The following EPC1 variants were observed in gnomAD, a reference collection of about 807,000 sequenced individuals.
EPC1 encodes the protein enhancer of polycomb homolog 1.
Under a neutral mutation model 98.4 loss-of-function variants are expected in EPC1, and 12 were observed. The ratio of observed to expected loss-of-function variants is 0.12; its 90% confidence interval spans 0.08 to 0.20. The LOEUF (loss-of-function observed/expected upper bound fraction) is 0.20, where lower values mean the gene tolerates loss of function less well. Among genes scored for constraint, EPC1 ranks in the 10% least tolerant of loss-of-function variants. EPC1 has a pLI of 1.00. For missense variants in EPC1, 729 were observed against 990.5 expected, an observed-to-expected ratio of 0.74 and a Z score of 3.54; for synonymous variants, 357 against 363.9, an observed-to-expected ratio of 0.98 and a Z score of 0.21.
rs192971513 is a variant in EPC1, at chr10:32,327,032, C to T, written c.153+19731G>A. Among the ~76,000 whole-genome samples, 751 of 140,054 alleles carry T rather than the reference C, an allele frequency of 5.4e-3. 6 individuals carry two copies. Among genetic ancestry groups the T allele is most frequent in the Non-Finnish European group, 8.9e-3 (585 of 65,492 alleles). 91.9% of individuals were successfully genotyped at this position (140,054 alleles called of 152,430 possible). ...AAAAAAAAAAAATCAATGTAAATTA[C>T]CATCAATAGATGAATGAAGAAAATG... is the stretch of plus-strand genomic sequence containing the variant. On this transcript the variant is annotated intron_variant, in intron 1 of 13. Transcript: ENST00000319778.
intron 1 of EPC1, among the ~76,000 whole-genome samples, chr10:32,340,354 G>C (rs568704555): frequency 2.0e-5 from 3 of 152,118 alleles, no homozygotes; most frequent in Admixed American, 2.0e-4. Context: ...ATTACAGCAG[G>C]GTTGGTAGAT....
At chr10:32,306,234 C>T (rs1268334455) in intron 1 of EPC1, among the ~76,000 whole-genome samples, 2 of 152,002 alleles carry the variant, frequency 1.3e-5, no homozygotes, top group South Asian at 2.1e-4. Flanking sequence ...ACGGATGAGA[C>T]GTGGAGAAGG....
At chr10:32,372,570 A>T (rs1002534569) in intron 1 of EPC1, among the ~76,000 whole-genome samples, 3 of 152,256 alleles carry the variant, frequency 2.0e-5, no homozygotes, top group Non-Finnish European at 4.4e-5. Flanking sequence ...GTAAAGTACA[A>T]GTACAAATGT....
At chr10:32,369,726 A>G (rs1260783336) in intron 1 of EPC1, among the ~76,000 whole-genome samples, 1 of 152,240 alleles carries the variant, frequency 6.6e-6, no homozygotes, top group African/African-American at 2.4e-5. Flanking sequence ...AGCCTATTAG[A>G]CTTTTAAGCA....
At chr10:32,367,599 A>C (rs1234747607) in intron 1 of EPC1, among the ~76,000 whole-genome samples, 1 of 152,166 alleles carries the variant, frequency 6.6e-6, no homozygotes, top group Non-Finnish European at 1.5e-5. Context: ...AAGTTTCCCC[A>C]CTTTTTCACT....
At chr10:32,325,732 T>C (rs1283791211) in intron 1 of EPC1, among the ~76,000 whole-genome samples, 1 of 151,932 alleles carries the variant, frequency 6.6e-6, no homozygotes, top group East Asian at 1.9e-4. Flanking sequence ...AAAAGAGTAA[T>C]CACAATCTCA....
intron 1 of EPC1, among the ~76,000 whole-genome samples, chr10:32,336,067 CT>C (rs1222918543): frequency 0.045 from 2,467 of 55,090 alleles, 34 homozygotes; most frequent in African/African-American, 0.056. Context: ...ACTACCTTTT[CT>C]TTTTTTTTTT....
At chr10:32,337,210 C>T (rs906775159) in intron 1 of EPC1, among the ~76,000 whole-genome samples, 4 of 152,212 alleles carry the variant, frequency 2.6e-5, no homozygotes, top group Non-Finnish European at 5.9e-5. Flanking sequence ...TAGAACTAAT[C>T]TGGCCTCGGC....
intron 1 of EPC1, among the ~76,000 whole-genome samples, chr10:32,376,453 C>T (rs1290576757): frequency 2.0e-5 from 3 of 152,046 alleles, no homozygotes; most frequent in Non-Finnish European, 4.4e-5. Context: ...AATATATTTA[C>T]ACCTGCAGTA....
chr10:32,271,498 GA>G, intron 13 of EPC1, 55 bp downstream of exon 13: 1 of 1,554,360 alleles, frequency 6.4e-7, no homozygotes, highest in Non-Finnish European at 8.7e-7. Context: ...AACGATGCTG[GA>G]GGACTGAAGT....
At position 32,270,746 on chromosome 10, in the gene EPC1, T is replaced by C. The variant is rs1426833805; in HGVS notation, c.2369+808A>G. ...AGGCTGAGACAGAATCACTTGAACC[T>C]GGGAGGCAGAGATTGCAGTGAGCTG... On this transcript the variant is annotated intron_variant, in intron 13 of 13. Coordinates refer to ENST00000319778, the MANE Select transcript of EPC1 (RefSeq NM_001272004.3). Among the ~76,000 whole-genome samples, 16 of 133,930 alleles carry C rather than the reference T, an allele frequency of 1.2e-4. No individual in the cohort carries two copies. In the Admixed American group the frequency reaches 1.4e-3, roughly 12 times the overall value. 87.9% of individuals were successfully genotyped at this position (133,930 alleles called of 152,430 possible).
intron 1 of EPC1, among the ~76,000 whole-genome samples, chr10:32,315,479 T>G (rs1272943069): frequency 5.3e-5 from 8 of 152,232 alleles, no homozygotes; most frequent in Non-Finnish European, 4.4e-5. Flanking sequence ...TAGACCTTTT[T>G]GGTTACTGAA....
rs1435787665 is a variant in EPC1 at position 32,271,600 on chromosome 10, G to T, written c.2323C>A (p.Gln775Lys). The T allele has an allele frequency of 1.2e-6, 2 of 1,614,174 alleles. No individual in the cohort carries two copies. The highest frequency in any genetic ancestry group is 1.1e-5 in the South Asian group (1 of 91,072). Residue 775 changes from glutamine (Q) to lysine (K), a missense_variant, in exon 13 of 14, where the codon CAA becomes AAA. Gln to Lys is a moderately conservative substitution (Grantham distance 53, BLOSUM62 1). Coordinates refer to ENST00000319778, the MANE Select transcript of EPC1 (RefSeq NM_001272004.3). ...ALKLAAAANC[Q>K]VSKVPSSSSV... is the part of the protein sequence containing the mutation. The stretch of plus-strand genomic sequence containing the variant: ...GATGAAGATGGGACCTTGGAAACTT[G>T]ACAGTTTGCTGCAGCGGCCAGCTTT...
intron 5 of EPC1, 76 bp downstream of exon 5, chr10:32,292,420 T>C (rs1280246255): frequency 3.7e-6 from 4 of 1,067,696 alleles, no homozygotes; most frequent in Non-Finnish European, 3.9e-6. Flanking sequence ...GATTATTGCA[T>C]AGGAAATAAA....
intron 1 of EPC1, among the ~76,000 whole-genome samples, chr10:32,369,402 T>C (rs1458042680): frequency 6.6e-6 from 1 of 152,190 alleles, no homozygotes; most frequent in Non-Finnish European, 1.5e-5. Flanking sequence ...AATACCTTTT[T>C]TTAAAATAAA....
At chr10:32,284,417 G>A in intron 10 of EPC1, 1 of 276,746 alleles carries the variant, frequency 3.6e-6, no homozygotes, top group Non-Finnish European at 6.7e-6. Context: ...TGAAAAATAT[G>A]ATAAATCTTG....
chr10:32,342,750 G>A (rs1838448410), intron 1 of EPC1, among the ~76,000 whole-genome samples: 2 of 152,118 alleles, frequency 1.3e-5, no homozygotes, highest in South Asian at 2.1e-4. Flanking sequence ...ATGGAACAAC[G>A]CACCCTAGAC....
intron 1 of EPC1, among the ~76,000 whole-genome samples, chr10:32,368,406 C>A (rs1403884222): frequency 2.6e-5 from 4 of 152,158 alleles, no homozygotes; most frequent in African/African-American, 9.7e-5. Flanking sequence ...TGTGTTCTTC[C>A]ATCTTTGCCT....
At chr10:32,305,504 T>C (rs1399541066) in intron 2 of EPC1, among the ~76,000 whole-genome samples, 8 of 151,408 alleles carry the variant, frequency 5.3e-5, no homozygotes, top group Non-Finnish European at 1.0e-4. Flanking sequence ...TATCTGAGTT[T>C]TTTTTTTTTT....
Sources: allele counts gnomAD v4.1 joint callset (sites outside exome capture counted in the v4.1 genomes callset), GRCh38; gene constraint gnomAD v4.1.1; transcripts MANE v1.5; gene names NCBI Gene and HGNC (gene_info 2026-07-23, HGNC 2026-07-21).